The following DLGAP2 variants were observed in gnomAD, a reference collection of about 807,000 sequenced individuals.
DLGAP2 encodes the protein DLG associated protein 2.
A neutral mutation model predicts 100.3 loss-of-function variants in DLGAP2; 26 were observed. The ratio of observed to expected loss-of-function variants is 0.26; its 90% confidence interval spans 0.19 to 0.36. DLGAP2 has a LOEUF of 0.36. DLGAP2 is among the 10% of genes least tolerant of loss of function. The pLI is 1.00. For missense variants in DLGAP2, 1,858 were observed against 1,453.2 expected (o/e 1.28, Z -4.53); for synonymous variants, 886 against 630.1 (o/e 1.41, Z -6.08).
chr8:1,461,704 C>T (rs1227218956), intron 3 of DLGAP2, among the ~76,000 whole-genome samples: 3 of 47,776 alleles, frequency 6.3e-5, no homozygotes, highest in Admixed American at 2.6e-4. Flanking sequence ...GTCGCTGATT[C>T]GGTGACCAGG....
chr8:1,087,615 G>A (rs1804019191), intron 2 of DLGAP2, among the ~76,000 whole-genome samples: 2 of 147,644 alleles, frequency 1.4e-5, no homozygotes, highest in Admixed American at 1.4e-4. Context: ...TCCTTTGGCT[G>A]TTTCATCTGA....
In DLGAP2 at chr8:1,162,414, G is replaced by T. The variant is rs77465887; in HGVS notation, c.74-96437G>T. ...AGAGAAAGAATATTGTTTTCAATAG[G>T]AAAATGCATCAGTTAAAGCAGTCTG... On this transcript the variant is annotated intron_variant, in intron 2 of 14. Transcript: ENST00000637795. 8.8e-3 allele frequency among the ~76,000 whole-genome samples: 1,335 copies of T among 152,286 alleles called. 11 individuals carry two copies. Among genetic ancestry groups the T allele is most frequent in the Non-Finnish European group, 0.012 (840 of 68,020 alleles).
At chr8:1,307,952 T>G (rs1011168930) in intron 3 of DLGAP2, among the ~76,000 whole-genome samples, 1 of 152,152 alleles carries the variant, frequency 6.6e-6, no homozygotes, top group Non-Finnish European at 1.5e-5. Context: ...GGCACAATGG[T>G]GTGAATGTCC....
intron 5 of DLGAP2, among the ~76,000 whole-genome samples, chr8:1,561,606 G>T (rs1205015669): frequency 6.6e-6 from 1 of 152,196 alleles, no homozygotes; most frequent in Non-Finnish European, 1.5e-5. Flanking sequence ...GTGTGCCTGG[G>T]CCACCTTGGG....
intron 6 of DLGAP2, among the ~76,000 whole-genome samples, chr8:1,575,710 C>A (rs1347334168): frequency 6.9e-6 from 1 of 145,608 alleles, no homozygotes; most frequent in South Asian, 2.2e-4. Flanking sequence ...TGAGTGAGAA[C>A]ATGTGGTGTT....
chr8:1,059,796 C>T (rs948636698), intron 2 of DLGAP2, among the ~76,000 whole-genome samples: 1 of 152,148 alleles, frequency 6.6e-6, no homozygotes, highest in African/African-American at 2.4e-5. Context: ...ACCACCAGGA[C>T]AGACAGAGAC....
chr8:1,052,617 A>T (rs1802753610), intron 2 of DLGAP2, among the ~76,000 whole-genome samples: 2 of 151,996 alleles, frequency 1.3e-5, no homozygotes, highest in African/African-American at 4.8e-5. Context: ...TGGCTGGGGG[A>T]TCATTAGCTT....
chr8:1,182,713 G>A (rs575836344), intron 2 of DLGAP2, among the ~76,000 whole-genome samples: 20 of 152,318 alleles, frequency 1.3e-4, no homozygotes, highest in South Asian at 2.1e-4. Context: ...TCACGTCTGC[G>A]CTGCCCTGAG....
intron 2 of DLGAP2, among the ~76,000 whole-genome samples, chr8:922,517 GAA>G (rs1189649118): frequency 6.6e-6 from 1 of 152,216 alleles, no homozygotes; most frequent in African/African-American, 2.4e-5. Flanking sequence ...CATCTTTGAT[GAA>G]AACTGTTGTT....
At chr8:804,940 G>C (rs1010450489) in intron 1 of DLGAP2, among the ~76,000 whole-genome samples, 2 of 151,786 alleles carry the variant, frequency 1.3e-5, no homozygotes, top group Non-Finnish European at 2.9e-5. Context: ...AATTTTTTTT[G>C]TTTGTTTTTT....
intron 2 of DLGAP2, among the ~76,000 whole-genome samples, chr8:1,240,097 C>A (rs1384996672): frequency 6.6e-6 from 1 of 150,560 alleles, no homozygotes; most frequent in Admixed American, 6.6e-5. Flanking sequence ...CTAGTTCTCT[C>A]ACATGGCGCC....
chr8:1,164,128 A>ATTTTTCTGTGAGCCCCCCAGGGCCTGTCG lies in DLGAP2; in HGVS notation c.74-94719_74-94718insTCTGTGAGCCCCCCAGGGCCTGTCGTTTT, dbSNP rs1563224069. Among the ~76,000 whole-genome samples the ATTTTTCTGTGAGCCCCCCAGGGCCTGTCG allele has an allele frequency of 5.3e-4, 12 of 22,536 alleles. 1 individual carries two copies. Among genetic ancestry groups the ATTTTTCTGTGAGCCCCCCAGGGCCTGTCG allele is most frequent in the African/African-American group, 1.5e-3 (8 of 5,314 alleles). 14.8% of individuals were successfully genotyped at this position (22,536 alleles called of 152,430 possible). On this transcript the variant is annotated intron_variant, in intron 2 of 14. Transcript: ENST00000637795. ...TTTCTGTGAGCCCGCAGGGCCCGTC[A>ATTTTTCTGTGAGCCCCCCAGGGCCTGTCG]TTTTGGTTTGTGGGGATTTTTCTGT...
intron 1 of DLGAP2, among the ~76,000 whole-genome samples, chr8:818,068 A>G (rs1037061159): frequency 6.6e-6 from 1 of 152,042 alleles, no homozygotes; most frequent in Non-Finnish European, 1.5e-5. Flanking sequence ...CTCCCAAGAT[A>G]TTATGACCTC....
intron 4 of DLGAP2, among the ~76,000 whole-genome samples, chr8:1,517,828 A>T (rs186399000): frequency 6.6e-6 from 1 of 152,324 alleles, no homozygotes; most frequent in East Asian, 1.9e-4. Flanking sequence ...CAAAAACAAG[A>T]CATTGGCATG....
At chr8:997,320 A>G (rs754740385) in intron 2 of DLGAP2, among the ~76,000 whole-genome samples, 3 of 152,234 alleles carry the variant, frequency 2.0e-5, no homozygotes, top group Non-Finnish European at 2.9e-5. Context: ...CAAAAATGCT[A>G]TTTAAATATC....
chr8:1,557,656 G>A (rs909185376), intron 5 of DLGAP2, among the ~76,000 whole-genome samples: 15 of 152,168 alleles, frequency 9.9e-5, no homozygotes, highest in African/African-American at 2.4e-4. Context: ...CATTCCGCAG[G>A]GTCCTGGTGG....
intron 3 of DLGAP2, among the ~76,000 whole-genome samples, chr8:1,304,216 C>CA (rs1239199616): frequency 6.6e-6 from 1 of 152,198 alleles, no homozygotes; most frequent in African/African-American, 2.4e-5. Flanking sequence ...TTTGTGTCCA[C>CA]GCTGGACTCT....
chr8:777,252 G>A (rs1296784874), intron 1 of DLGAP2, among the ~76,000 whole-genome samples: 26 of 149,958 alleles, frequency 1.7e-4, no homozygotes, highest in Admixed American at 2.7e-4. Flanking sequence ...GTCTCTGCAC[G>A]TGAGATGGGT....
At chr8:1,269,401 C>T (rs531490910) in intron 3 of DLGAP2, among the ~76,000 whole-genome samples, 7 of 152,158 alleles carry the variant, frequency 4.6e-5, no homozygotes, top group African/African-American at 7.2e-5. Flanking sequence ...ACAGCAGTTG[C>T]GGTGAGCCTA....
Sources: allele counts gnomAD v4.1 joint callset (sites outside exome capture counted in the v4.1 genomes callset), GRCh38; gene constraint gnomAD v4.1.1; transcripts MANE v1.5; gene names NCBI Gene and HGNC (gene_info 2026-07-23, HGNC 2026-07-21).